USP34: variants seen among roughly 807,000 people sequenced by gnomAD.
USP34 encodes ubiquitin specific peptidase 34.
Under a neutral mutation model 460.3 loss-of-function variants are expected in USP34, and 70 were observed. The ratio of observed to expected loss-of-function variants is 0.15; its 90% CI spans 0.13 to 0.19. The LOEUF (loss-of-function observed/expected upper bound fraction) is 0.19. Among genes scored for constraint, USP34 ranks in the 10% least tolerant of loss-of-function variants. The pLI, the probability that USP34 is intolerant of heterozygous loss-of-function variation, is 1.00. For synonymous variants in USP34, 1,647 were observed against 1,405.3 expected, an observed-to-expected ratio of 1.17 and a Z score of -3.85; for missense variants, 3,985 against 4,236.2, an observed-to-expected ratio of 0.94 and a Z score of 1.65.
chr2:61,418,103 T>C (rs1187166077), intron 2 of USP34, among the ~76,000 whole-genome samples: 3 of 149,522 alleles, frequency 2.0e-5, no homozygotes, highest in Admixed American at 6.7e-5. Context: ...TTTTTTAAGA[T>C]GGAGTCTCAC....
intron 65 of USP34, 93 bp from the exon 66 acceptor site, chr2:61,221,699 T>C: frequency 8.7e-7 from 1 of 1,147,474 alleles, no homozygotes; most frequent in Non-Finnish European, 1.2e-6. Context: ...ACACTATATT[T>C]AAATCTGTGT....
At chr2:61,240,942 A>G (rs1460949228) in intron 53 of USP34, among the ~76,000 whole-genome samples, 1 of 152,186 alleles carries the variant, frequency 6.6e-6, no homozygotes, top group Non-Finnish European at 1.5e-5. Context: ...ATCATGAGAC[A>G]CAACAGAAGG....
rs992544909 is a variant in USP34, at chr2:61,221,903, A to C, written c.7795-297T>G. The stretch of plus-strand genomic sequence containing the variant: ...AACACTGTAAATACTTACGATGTAC[A>C]ACGTTTTGAAATATGTATACATTGT... On this transcript the variant is annotated intron_variant, in intron 65 of 79. Coordinates refer to ENST00000398571, the MANE Select transcript of USP34 (RefSeq NM_014709.4). 9.2e-5 allele frequency: 21 copies of C among 228,752 alleles called. No individual in the cohort carries two copies. In the East Asian group the frequency reaches 9.3e-4, roughly 10 times the overall value. The allele number at this position is 228,752 out of a possible 1,614,324, so 14.2% of individuals were successfully genotyped here. A position where few individuals can be genotyped will look rare whatever the true frequency, so the allele number is the denominator to read the frequency against.
chr2:61,377,954 G>A (rs1287188185), intron 8 of USP34, among the ~76,000 whole-genome samples: 1 of 152,232 alleles, frequency 6.6e-6, no homozygotes, highest in Non-Finnish European at 1.5e-5. Context: ...TGAGGCAAGT[G>A]GATGGCTTGA....
intron 30 of USP34, 125 bp downstream of exon 30, chr2:61,296,675 A>G (rs971630898): frequency 4.1e-5 from 40 of 972,436 alleles, no homozygotes; most frequent in Middle Eastern, 2.3e-4. Flanking sequence ...CTTTTTACCT[A>G]CTATATGGGT....
intron 1 of USP34, among the ~76,000 whole-genome samples, chr2:61,422,919 G>A (rs1694403966): frequency 6.6e-6 from 1 of 152,096 alleles, no homozygotes; most frequent in Non-Finnish European, 1.5e-5. Flanking sequence ...AGGATCACTC[G>A]AACCTGGAAG....
intron 48 of USP34, chr2:61,249,715 CAGA>C (rs10605609): frequency 0.069 from 10,560 of 153,160 alleles, 487 homozygotes; most frequent in Non-Finnish European, 0.1. Flanking sequence ...CCCCACGATG[CAGA>C]AGAAGAGTCT....
intron 3 of USP34, among the ~76,000 whole-genome samples, chr2:61,404,387 A>C (rs1485225011): frequency 6.6e-6 from 1 of 152,198 alleles, no homozygotes. Flanking sequence ...TCCCCCCAGC[A>C]ATGGAGTCTA....
intron 41 of USP34, among the ~76,000 whole-genome samples, chr2:61,277,495 T>A (rs1689405739): frequency 6.6e-6 from 1 of 152,124 alleles, no homozygotes; most frequent in Admixed American, 6.5e-5. Flanking sequence ...CCTCAGCCAC[T>A]CAAAGTGCTA....
chr2:61,392,242 G>C (rs1300265518), intron 5 of USP34, among the ~76,000 whole-genome samples: 3 of 152,102 alleles, frequency 2.0e-5, no homozygotes, highest in African/African-American at 4.8e-5. Context: ...TGACATGGGA[G>C]GGAGGTTTGC....
intron 3 of USP34, among the ~76,000 whole-genome samples, chr2:61,398,000 GA>G (rs1208218512): frequency 6.6e-6 from 1 of 152,108 alleles, no homozygotes; most frequent in Non-Finnish European, 1.5e-5. Context: ...CCGCTTGGGG[GA>G]GGGGGGTTGC....
intron 53 of USP34, among the ~76,000 whole-genome samples, chr2:61,239,442 T>C (rs1250476885): frequency 6.6e-6 from 1 of 152,174 alleles, no homozygotes; most frequent in Non-Finnish European, 1.5e-5. Flanking sequence ...ACAAGTGGGC[T>C]AATTGTCATT....
intron 61 of USP34, among the ~76,000 whole-genome samples, chr2:61,227,544 C>A (rs889379470): frequency 6.6e-6 from 1 of 152,064 alleles, no homozygotes; most frequent in Non-Finnish European, 1.5e-5. Flanking sequence ...AACTCCGTTT[C>A]TACTAAAAAT....
At chr2:61,229,706 C>G (rs1004093018) in intron 58 of USP34, 73 bp from the exon 59 acceptor site, 29 of 1,305,648 alleles carry the variant, frequency 2.2e-5, no homozygotes, top group Non-Finnish European at 5.4e-6. Context: ...TAACATGATT[C>G]AAAATTCTCT....
intron 10 of USP34, among the ~76,000 whole-genome samples, chr2:61,352,062 G>C (rs910992146): frequency 6.6e-6 from 1 of 152,122 alleles, no homozygotes; most frequent in Admixed American, 6.5e-5. Context: ...ACACTTTGGA[G>C]TATCTGCATT....
chr2:61,467,915 G>T (rs1459832786), intron 1 of USP34, among the ~76,000 whole-genome samples: 1 of 151,842 alleles, frequency 6.6e-6, no homozygotes, highest in African/African-American at 2.4e-5. Context: ...GCTGTATTCA[G>T]AGTTGCCCGG....
chr2:61,393,133 A>G (rs1693405281), intron 5 of USP34, among the ~76,000 whole-genome samples: 1 of 152,164 alleles, frequency 6.6e-6, no homozygotes, highest in South Asian at 2.1e-4. Context: ...TTGCAAATTA[A>G]AAAAATTAAG....
intron 15 of USP34, among the ~76,000 whole-genome samples, chr2:61,345,010 C>T (rs1048047589): frequency 1.3e-5 from 2 of 152,120 alleles, no homozygotes; most frequent in African/African-American, 4.8e-5. Flanking sequence ...TGGTGGCTCA[C>T]ACCTGTAATC....
At chr2:61,202,354 T>C (rs1460962369) in intron 75 of USP34, among the ~76,000 whole-genome samples, 2 of 152,200 alleles carry the variant, frequency 1.3e-5, no homozygotes, top group Non-Finnish European at 1.5e-5. Flanking sequence ...CTGAAAACTA[T>C]AGAACATTGG....
Sources: gnomAD v4.1 joint callset for allele counts (sites outside exome capture counted in the v4.1 genomes callset) on GRCh38, gnomAD v4.1.1 for gene constraint, MANE v1.5 for transcripts, NCBI Gene and HGNC (gene_info 2026-07-23, HGNC 2026-07-21) for gene names.